CLEC5A: variants seen among roughly 807,000 people sequenced by gnomAD.
CLEC5A encodes the protein C-type lectin domain containing 5A, also known as C-type lectin domain family 5 member A.
Under a neutral mutation model 24.4 loss-of-function variants are expected in CLEC5A, and 15 were observed. The observed-to-expected ratio is 0.62, with a 90% CI of 0.41 to 0.95. CLEC5A has a LOEUF of 0.95. Ranked by LOEUF, CLEC5A falls within the 40% of genes least tolerant of loss-of-function variation. The pLI is 0.00. For missense variants in CLEC5A, 211 were observed against 224.0 expected, an observed-to-expected ratio of 0.94 and a Z score of 0.37; for synonymous variants, 71 against 72.6, an observed-to-expected ratio of 0.98 and a Z score of 0.11.
At chr7:141,942,575 A>G (rs925780817) in intron 4 of CLEC5A, among the ~76,000 whole-genome samples, 1 of 152,088 alleles carries the variant, frequency 6.6e-6, no homozygotes, top group East Asian at 1.9e-4. Flanking sequence ...TAGATAAATG[A>G]GATCATATCA....
Position 141,930,071 on chromosome 7 carries a change from T to G in CLEC5A, c.*33A>C, listed in dbSNP as rs1802407956. 6.5e-7 allele frequency: 1 copy of G among 1,529,150 alleles called. No homozygotes were observed. The highest frequency in any genetic ancestry group is 9.1e-7 in the Non-Finnish European group (1 of 1,104,876). The allele number at this position is 1,529,150 out of a possible 1,614,324, so 94.7% of individuals were successfully genotyped here. A position where few individuals can be genotyped will look rare whatever the true frequency, so the allele number is the denominator to read the frequency against. Reference sequence around the variant, plus strand: ...CGACCTGTATGGATTCAAAAAGAGTTGCAAGTATAGTTCTTGTCACAGGGA... The same window carrying G: ...CGACCTGTATGGATTCAAAAAGAGTGGCAAGTATAGTTCTTGTCACAGGGA... On this transcript the variant is annotated 3_prime_UTR_variant, in exon 7 of 7. Transcript: ENST00000546910.
chr7:141,936,895 G>T (rs1305618959), intron 4 of CLEC5A, among the ~76,000 whole-genome samples: 1 of 151,898 alleles, frequency 6.6e-6, no homozygotes, highest in Non-Finnish European at 1.5e-5. Context: ...GAGTCGTGAG[G>T]TCCCCATTCC....
intron 1 of CLEC5A, among the ~76,000 whole-genome samples, 159 bp from the exon 2 acceptor site, chr7:141,946,471 G>C (rs113438662): frequency 6.6e-6 from 1 of 152,092 alleles, no homozygotes; most frequent in Non-Finnish European, 1.5e-5. Flanking sequence ...CGTGGGCCGC[G>C]AACACAGAAA....
chr7:141,946,142 A>G (rs1457015934), intron 2 of CLEC5A, 72 bp downstream of exon 2: 1 of 1,481,784 alleles, frequency 6.7e-7, no homozygotes, highest in Non-Finnish European at 9.2e-7. Context: ...ACACACAACC[A>G]TGCATTCTGA....
intron 2 of CLEC5A, 113 bp from the exon 3 acceptor site, chr7:141,945,513 C>T (rs1418237168): frequency 1.3e-5 from 10 of 758,428 alleles, no homozygotes; most frequent in Non-Finnish European, 1.9e-5. Context: ...GTGGGAAATA[C>T]TGAACTCTCT....
chr7:141,945,566 C>T (rs1375865622), intron 2 of CLEC5A, among the ~76,000 whole-genome samples, 166 bp from the exon 3 acceptor site: 1 of 152,056 alleles, frequency 6.6e-6, no homozygotes, highest in Non-Finnish European at 1.5e-5. Context: ...GAATACGTTC[C>T]CTTATTCATA....
rs1802329271 is a variant in CLEC5A, at chr7:141,927,422, A to G, written c.*2682T>C. 1.3e-5 allele frequency: 2 copies of G among 152,252 alleles called. No individual in the cohort carries two copies. Among genetic ancestry groups the G allele is most frequent in the African/African-American group, 2.4e-5 (1 of 41,456 alleles). 9.4% of individuals were successfully genotyped at this position (152,252 alleles called of 1,614,324 possible). On this transcript the variant is annotated 3_prime_UTR_variant, in exon 7 of 7. Coordinates refer to ENST00000546910, the MANE Select transcript of CLEC5A (RefSeq NM_013252.3). The stretch of plus-strand genomic sequence containing the variant: ...CTGGTTGCTGGATGAACAATACACG[A>G]AAGGACAATAAAGGGAGAAGGATGA...
At chr7:141,941,659 T>C (rs532732283) in intron 4 of CLEC5A, among the ~76,000 whole-genome samples, 122 of 152,256 alleles carry the variant, frequency 8.0e-4, no homozygotes, top group African/African-American at 2.8e-3. Context: ...TCAGATGATA[T>C]GACCTTATAT....
At chr7:141,931,878 T>G (rs1554440451) in intron 5 of CLEC5A, 52 bp from the exon 6 acceptor site, 1 of 769,948 alleles carries the variant, frequency 1.3e-6, no homozygotes, top group Non-Finnish European at 2.2e-6. Flanking sequence ...ATGCCTCTCT[T>G]GAGCCAATGT....
intron 3 of CLEC5A, among the ~76,000 whole-genome samples, chr7:141,944,307 G>A (rs1229530718): frequency 6.6e-6 from 1 of 152,132 alleles, no homozygotes; most frequent in African/African-American, 2.4e-5. Context: ...CTTTGACAGT[G>A]TTTTCTCCAA....
chr7:141,933,389 C>A, intron 5 of CLEC5A, among the ~76,000 whole-genome samples: 1 of 151,492 alleles, frequency 6.6e-6, no homozygotes, highest in Middle Eastern at 3.2e-3. Flanking sequence ...TGAGGAACTA[C>A]GAGATGCTCA....
chr7:141,943,917 T>C lies in CLEC5A; in HGVS notation c.187A>G (p.Thr63Ala), dbSNP rs1554441863. Reference protein sequence around the residue: ...SSSPSPNGFITTRSYGTVCPK... With the variant: ...SSSPSPNGFIATRSYGTVCPK... ...TTACCTGTTCCATAGCTCCTTGTGGTAATGAAGCCGTTGGGACTTGGGGAA... is the reference window on the plus strand; with the variant it reads ...TTACCTGTTCCATAGCTCCTTGTGGCAATGAAGCCGTTGGGACTTGGGGAA... The change falls in exon 4 of 7, where the codon ACC (threonine) becomes GCC (alanine). Residue 63 changes from threonine to alanine, a missense_variant. Physicochemically the swap from Thr to Ala is moderately conservative, Grantham distance 58 (BLOSUM62 0). Transcript: ENST00000546910. 1.9e-6 allele frequency: 3 copies of C among 1,610,908 alleles called. No homozygotes were observed. The highest frequency in any genetic ancestry group is 1.3e-5 in the African/African-American group (1 of 74,878).
chr7:141,942,139 A>C (rs1182771914), intron 4 of CLEC5A, among the ~76,000 whole-genome samples: 3 of 152,128 alleles, frequency 2.0e-5, no homozygotes, highest in African/African-American at 7.2e-5. Flanking sequence ...TAAGCAAAAA[A>C]ATAACAAAAC....
intron 6 of CLEC5A, 95 bp from the exon 7 acceptor site, chr7:141,930,313 A>G: frequency 1.1e-6 from 1 of 920,918 alleles, no homozygotes; most frequent in South Asian, 1.5e-5. Flanking sequence ...CTGATTCCAG[A>G]GTGAGAGTCT....
intron 3 of CLEC5A, 49 bp from the exon 4 acceptor site, chr7:141,944,013 A>T: frequency 9.4e-7 from 1 of 1,061,346 alleles, no homozygotes; most frequent in East Asian, 2.4e-5. Context: ...AATACAACAC[A>T]GAAACAGAAA....
intron 4 of CLEC5A, 113 bp from the exon 5 acceptor site, chr7:141,936,063 G>T: frequency 9.2e-6 from 8 of 871,574 alleles, no homozygotes; most frequent in Non-Finnish European, 1.5e-5. Context: ...AATTATATTG[G>T]TAAAAATTAT....
chr7:141,936,040 G>A, intron 4 of CLEC5A, 90 bp from the exon 5 acceptor site: 2 of 1,135,564 alleles, frequency 1.8e-6, no homozygotes, highest in Non-Finnish European at 2.6e-6. Flanking sequence ...ACATATTTTT[G>A]CTTTGTTTTA....
intron 6 of CLEC5A, 111 bp from the exon 7 acceptor site, chr7:141,930,329 G>A (rs2128959999): frequency 1.3e-6 from 1 of 797,002 alleles, no homozygotes; most frequent in East Asian, 2.7e-5. Flanking sequence ...AGTCTTGCAG[G>A]AGTTTTGCCT....
chr7:141,935,671 G>T, intron 5 of CLEC5A, 143 bp downstream of exon 5: 3 of 723,308 alleles, frequency 4.1e-6, no homozygotes, highest in Non-Finnish European at 7.0e-6. Context: ...CTCCAGTCCA[G>T]AACAAATAGC....
Sources: gnomAD v4.1 joint callset for allele counts (sites outside exome capture counted in the v4.1 genomes callset) on GRCh38, gnomAD v4.1.1 for gene constraint, MANE v1.5 for transcripts, NCBI Gene and HGNC (gene_info 2026-07-23, HGNC 2026-07-21) for gene names.